CWF19L2: variants seen among roughly 807,000 people sequenced by gnomAD.
CWF19L2 encodes the protein CWF19 like cell cycle control factor 2, also known as CWF19-like protein 2.
In CWF19L2, 98 loss-of-function variants were observed where a neutral mutation model predicts 111.7. The ratio of observed to expected loss-of-function variants is 0.88; its 90% CI spans 0.75 to 1.04. The LOEUF (loss-of-function observed/expected upper bound fraction) is 1.04, where lower values mean the gene tolerates loss of function less well. CWF19L2 is among the 50% of genes least tolerant of loss of function. The pLI is 0.00. For missense variants in CWF19L2, 1,101 were observed against 1,051.4 expected (o/e 1.05, Z -0.65); for synonymous variants, 351 against 342.9 (o/e 1.02, Z -0.26).
At chr11:107,378,438 T>TA (rs1860628989) in intron 12 of CWF19L2, among the ~76,000 whole-genome samples, 1 of 152,054 alleles carries the variant, frequency 6.6e-6, no homozygotes, top group Admixed American at 6.5e-5. Flanking sequence ...TATGCAGCCG[T>TA]AAAAAATGAT....
chr11:107,381,625 G>A (rs974604768), intron 12 of CWF19L2, among the ~76,000 whole-genome samples: 1 of 152,046 alleles, frequency 6.6e-6, no homozygotes, highest in South Asian at 2.1e-4. Flanking sequence ...TGACCAAGGG[G>A]CTGCTGCAAT....
intron 10 of CWF19L2, chr11:107,404,577 G>A: frequency 3.2e-6 from 2 of 624,608 alleles, no homozygotes; most frequent in South Asian, 1.7e-5. Flanking sequence ...GCATAAGATG[G>A]TCTTTCCACA....
At chr11:107,427,578 C>CGT (rs1861396483) in intron 8 of CWF19L2, among the ~76,000 whole-genome samples, 1 of 152,042 alleles carries the variant, frequency 6.6e-6, no homozygotes, top group African/African-American at 2.4e-5. Flanking sequence ...TGCTTAGCTA[C>CGT]AGTCACAGAA....
chr11:107,425,028 A>T (rs1400752212), intron 8 of CWF19L2, among the ~76,000 whole-genome samples: 1 of 151,894 alleles, frequency 6.6e-6, no homozygotes, highest in Non-Finnish European at 1.5e-5. Context: ...TGAAAGAAAC[A>T]TCACCATGAC....
At chr11:107,348,239 A>G (rs1860109505) in intron 14 of CWF19L2, among the ~76,000 whole-genome samples, 1 of 151,992 alleles carries the variant, frequency 6.6e-6, no homozygotes, top group Non-Finnish European at 1.5e-5. Flanking sequence ...CTAACTTACA[A>G]TTTTCACATT....
chr11:107,414,005 T>C (rs1356976972), intron 10 of CWF19L2, among the ~76,000 whole-genome samples: 1 of 152,150 alleles, frequency 6.6e-6, no homozygotes, highest in Non-Finnish European at 1.5e-5. Context: ...CAAGTACTTT[T>C]GTGGGTTTAC....
chr11:107,435,498 G>GA (rs893227405), intron 6 of CWF19L2, among the ~76,000 whole-genome samples: 58 of 147,032 alleles, frequency 3.9e-4, no homozygotes, highest in Non-Finnish European at 5.4e-4. Flanking sequence ...TAATAGCTCA[G>GA]AAAAAAAAAA....
At chr11:107,452,312 GTC>G (rs1379093529) in intron 3 of CWF19L2, among the ~76,000 whole-genome samples, 1 of 151,538 alleles carries the variant, frequency 6.6e-6, no homozygotes, top group African/African-American at 2.4e-5. Context: ...AATGTTTCAA[GTC>G]ACTTCTATAA....
At chr11:107,372,689 G>C (rs1474768119) in intron 12 of CWF19L2, among the ~76,000 whole-genome samples, 1 of 135,988 alleles carries the variant, frequency 7.4e-6, no homozygotes, top group Admixed American at 7.2e-5. Flanking sequence ...AAGTGAAAGA[G>C]GATAAGAAGG....
chr11:107,392,899 TA>T lies in CWF19L2; in HGVS notation c.1618-5del. On this transcript the variant is annotated splice_polypyrimidine_tract_variant and splice_region_variant and intron_variant, in intron 10 of 17. Coordinates refer to ENST00000282251, the MANE Select transcript of CWF19L2 (RefSeq NM_152434.3). ...TTACTTCTTGCTGGTCTTCATTCTA[TA>T]AAAAGATTTAGAGATAACTATTGAA... 1 of 1,510,210 alleles carries T rather than the reference TA, an allele frequency of 6.6e-7. No homozygotes were observed. The highest frequency in any genetic ancestry group is 9.0e-7 in the Non-Finnish European group (1 of 1,113,122). 93.6% of individuals were successfully genotyped at this position (1,510,210 alleles called of 1,614,324 possible). A position where few individuals can be genotyped will look rare whatever the true frequency, so the allele number is the denominator to read the frequency against.
chr11:107,409,355 C>A (rs1310285592), intron 10 of CWF19L2, among the ~76,000 whole-genome samples: 1 of 152,006 alleles, frequency 6.6e-6, no homozygotes, highest in Non-Finnish European at 1.5e-5. Context: ...TCCTCAATTT[C>A]TTTAAAGAGA....
At position 107,418,197 on chromosome 11, in the gene CWF19L2, A is replaced by G. The variant is rs757710266; in HGVS notation, c.1524T>C (p.Asn508=). 2.5e-6 allele frequency: 4 copies of G among 1,579,874 alleles called. No individual in the cohort carries two copies. In the East Asian group the frequency reaches 8.9e-5, roughly 35 times the overall value. ...AAGCAACATCTAAGAGTCTTACCATATTCCCCATCATCTCTGCTTTGATAA... is the reference window on the plus strand; with the variant it reads ...AAGCAACATCTAAGAGTCTTACCATGTTCCCCATCATCTCTGCTTTGATAA... ...AKIIKAEMMG[N]MELAEQLKVQ... is the part of the protein sequence containing the mutation. Residue 508 remains asparagine, a synonymous_variant, in exon 9 of 18, where the codon AAT becomes AAC. Transcript: ENST00000282251.
rs1207087924 is a variant in CWF19L2, at chr11:107,457,819, T to C, written c.-3A>G. 1.9e-6 allele frequency: 3 copies of C among 1,550,742 alleles called. No homozygotes were observed. In the Admixed American group the frequency reaches 5.9e-5, roughly 30 times the overall value. On this transcript the variant is annotated 5_prime_UTR_variant, in exon 1 of 18. Transcript: ENST00000282251. ...GCAGCCGCCATACTTGTTGCCATCGTAAAGCTAAGAAGCCGCAAGAAAATT... is the reference window on the plus strand; with the variant it reads ...GCAGCCGCCATACTTGTTGCCATCGCAAAGCTAAGAAGCCGCAAGAAAATT...
chr11:107,336,517 A>G (rs781327097), intron 15 of CWF19L2, 41 bp downstream of exon 15: 1 of 1,481,366 alleles, frequency 6.8e-7, no homozygotes, highest in Non-Finnish European at 9.2e-7. Context: ...ATAGCACTAT[A>G]GCAAAAAATA....
intron 6 of CWF19L2, among the ~76,000 whole-genome samples, chr11:107,435,006 C>T (rs1462047065): frequency 6.6e-6 from 1 of 151,980 alleles, no homozygotes; most frequent in Non-Finnish European, 1.5e-5. Context: ...TTTTTATATT[C>T]ATAGTAAATA....
chr11:107,336,502 G>T (rs1237697293), intron 15 of CWF19L2, 56 bp downstream of exon 15: 2 of 1,335,470 alleles, frequency 1.5e-6, no homozygotes, highest in Non-Finnish European at 2.1e-6. Flanking sequence ...AACAATATTT[G>T]TAAAATAGCA....
intron 16 of CWF19L2, among the ~76,000 whole-genome samples, chr11:107,334,118 TTC>T (rs145992955): frequency 0.015 from 2,323 of 152,304 alleles, 56 homozygotes; most frequent in African/African-American, 0.052. Flanking sequence ...TCTGGAATCT[TTC>T]TGTTTTGTTC....
intron 10 of CWF19L2, chr11:107,404,113 T>C: frequency 3.9e-6 from 3 of 774,898 alleles, no homozygotes; most frequent in Non-Finnish European, 7.2e-6. Flanking sequence ...CATGTGAGAC[T>C]GTCTCTGTCG....
intron 15 of CWF19L2, 89 bp downstream of exon 15, chr11:107,336,469 G>A: frequency 9.3e-7 from 1 of 1,069,764 alleles, no homozygotes. Flanking sequence ...AAGTATATAG[G>A]AGAAAAATAT....
Sources: gnomAD v4.1 joint callset for allele counts (sites outside exome capture counted in the v4.1 genomes callset) on GRCh38, gnomAD v4.1.1 for gene constraint, MANE v1.5 for transcripts, NCBI Gene and HGNC (gene_info 2026-07-23, HGNC 2026-07-21) for gene names.